Variants in PCMTD1 observed in about 807,000 individuals in gnomAD.
PCMTD1 encodes the protein protein-L-isoaspartate O-methyltransferase domain-containing protein 1.
PCMTD1 carries 12 observed loss-of-function variants against 37.6 expected under a neutral mutation model. That is an observed-to-expected ratio of 0.32 (90% CI 0.20 to 0.52). The LOEUF is 0.52. PCMTD1 is among the 20% of genes least tolerant of loss of function. The pLI, the probability that PCMTD1 is intolerant of heterozygous loss-of-function variation, is 0.97. For synonymous variants in PCMTD1, 117 were observed against 135.8 expected (o/e 0.86, Z 0.96); for missense variants, 235 against 421.3 (o/e 0.56, Z 3.87).
intron 5 of PCMTD1, among the ~76,000 whole-genome samples, chr8:51,827,706 C>T (rs1466257517): frequency 2.0e-5 from 3 of 152,138 alleles, no homozygotes; most frequent in Non-Finnish European, 4.4e-5. Context: ...GGGCACTCAG[C>T]TTCAACAATT....
chr8:51,828,638 A>T (rs2037955925), intron 5 of PCMTD1, among the ~76,000 whole-genome samples: 1 of 152,210 alleles, frequency 6.6e-6, no homozygotes, highest in East Asian at 1.9e-4. Context: ...TGTTGCCAGC[A>T]TTAAATCCAT....
intron 3 of PCMTD1, among the ~76,000 whole-genome samples, chr8:51,843,246 C>G (rs2038173008): frequency 6.6e-6 from 1 of 151,636 alleles, no homozygotes; most frequent in Admixed American, 6.6e-5. Context: ...GAAACATTTC[C>G]CTAGTACCTA....
Position 51,889,945 on chromosome 8 carries a change from T to C in PCMTD1, c.-96+8985A>G, listed in dbSNP as rs74936302. On this transcript the variant is annotated intron_variant, in intron 1 of 5. Coordinates refer to ENST00000522514, the MANE Select transcript of PCMTD1 (RefSeq NM_052937.4). ...AGTGAATTAATTTTATTGTGCTGCC[T>C]AGATACAATAAAACCAGTGATAACT... is the stretch of plus-strand genomic sequence containing the variant. Among the ~76,000 whole-genome samples, 966 of 130,888 alleles carry C rather than the reference T, an allele frequency of 7.4e-3. 6 individuals carry two copies. Among genetic ancestry groups the C allele is most frequent in the South Asian group, 0.012 (50 of 4,292 alleles). 85.9% of individuals were successfully genotyped at this position (130,888 alleles called of 152,430 possible).
intron 3 of PCMTD1, among the ~76,000 whole-genome samples, chr8:51,840,155 C>A (rs2038125346): frequency 6.6e-6 from 1 of 152,098 alleles, no homozygotes. Flanking sequence ...CAAGTAAATA[C>A]AGTTACTGTT....
At chr8:51,899,132 A>T, upstream of PCMTD1, 3 of 1,393,152 alleles carry the variant, frequency 2.2e-6, no homozygotes, top group South Asian at 3.0e-5. Flanking sequence ...CCACGGGCAC[A>T]GGGGCAGCTC....
intron 1 of PCMTD1, among the ~76,000 whole-genome samples, chr8:51,893,911 T>TC (rs1375278511): frequency 6.6e-6 from 1 of 152,216 alleles, no homozygotes; most frequent in African/African-American, 2.4e-5. Context: ...TACCCATACT[T>TC]CCTGAGCACC....
At chr8:51,839,906 C>T (rs1464613984) in intron 3 of PCMTD1, among the ~76,000 whole-genome samples, 1 of 152,156 alleles carries the variant, frequency 6.6e-6, no homozygotes, top group Non-Finnish European at 1.5e-5. Context: ...AGAGCCATGA[C>T]TGCTTTATTA....
intron 1 of PCMTD1, among the ~76,000 whole-genome samples, chr8:51,884,842 T>C (rs1007832609): frequency 1.3e-5 from 2 of 152,244 alleles, no homozygotes; most frequent in Admixed American, 1.3e-4. Flanking sequence ...CAATAAGCCA[T>C]TGAGGTACCC....
chr8:51,820,483 T>C lies in PCMTD1; in HGVS notation c.942A>G (p.Glu314=), dbSNP rs201680948. 2.5e-5 allele frequency: 40 copies of C among 1,613,982 alleles called. No individual in the cohort carries two copies. The South Asian group carries it at 2.5e-4, about 10-fold the overall frequency. The part of the protein sequence containing the change: ...EDEKMEEDNK[E]EEEKDHNEAM... The stretch of plus-strand genomic sequence containing the variant: ...CTTCATTGTGATCTTTTTCCTCCTC[T>C]TCTTTGTTATCCTCTTCCATTTTTT... The change falls in exon 6 of 6, where the codon GAA becomes GAG. Residue 314 remains glutamate (E), a synonymous_variant. Transcript: ENST00000522514.
intron 1 of PCMTD1, among the ~76,000 whole-genome samples, chr8:51,876,665 A>T (rs1351493685): frequency 6.6e-6 from 1 of 152,218 alleles, no homozygotes; most frequent in Non-Finnish European, 1.5e-5. Flanking sequence ...AAAAAATGAG[A>T]TGTCAAAGAT....
At chr8:51,834,441 C>G (rs912853107) in intron 3 of PCMTD1, among the ~76,000 whole-genome samples, 1 of 152,132 alleles carries the variant, frequency 6.6e-6, no homozygotes, top group Admixed American at 6.5e-5. Context: ...ATTTGGACTT[C>G]TACTTTATTT....
At chr8:51,846,123 A>G (rs1257482074) in intron 2 of PCMTD1, among the ~76,000 whole-genome samples, 1 of 152,306 alleles carries the variant, frequency 6.6e-6, no homozygotes, top group East Asian at 1.9e-4. Flanking sequence ...ATTTGCTAAA[A>G]AATTGGTAAT....
Position 51,819,829 on chromosome 8 carries a change from T to C in PCMTD1, c.*522A>G, listed in dbSNP as rs1289400467. On this transcript the variant is annotated 3_prime_UTR_variant, in exon 6 of 6. Transcript: ENST00000522514. ...AGCTAAATTATTCAATATCTTGTAT[T>C]GTTATTGCACTCATATATTGCCCGG... The C allele has an allele frequency of 1.3e-5, 2 of 152,648 alleles. No homozygotes were observed. The highest frequency in any genetic ancestry group is 2.9e-5 in the Non-Finnish European group (2 of 68,050). 9.5% of individuals were successfully genotyped at this position (152,648 alleles called of 1,614,324 possible).
chr8:51,847,938 G>C (rs957818166), intron 2 of PCMTD1, among the ~76,000 whole-genome samples: 1 of 151,738 alleles, frequency 6.6e-6, no homozygotes, highest in Non-Finnish European at 1.5e-5. Flanking sequence ...AAAAGTAGCC[G>C]GGCTTAGTGG....
intron 3 of PCMTD1, among the ~76,000 whole-genome samples, chr8:51,842,239 ATACAAAGTTTAAAAG>A (rs1224458574): frequency 6.6e-6 from 1 of 152,192 alleles, no homozygotes; most frequent in Admixed American, 6.6e-5. Context: ...AGACTAAGAC[ATACAAAGTTTAAAAG>A]TACTTACAAT....
rs1400009512 is a variant in PCMTD1 at position 51,818,849 on chromosome 8, G to A, written c.*1502C>T. 1 of 152,314 alleles carries A rather than the reference G, an allele frequency of 6.6e-6. No homozygotes were observed. The highest frequency in any genetic ancestry group is 1.5e-5 in the Non-Finnish European group (1 of 68,062). The allele number at this position is 152,314 out of a possible 1,614,324, so 9.4% of individuals were successfully genotyped here. On this transcript the variant is annotated 3_prime_UTR_variant, in exon 6 of 6. Coordinates refer to ENST00000522514, the MANE Select transcript of PCMTD1 (RefSeq NM_052937.4). Reference sequence around the variant, plus strand: ...CTGAAACAATATCTGAATCTTAGCAGAGAGATAATAATCCTTTCACTATAC... The same window carrying A: ...CTGAAACAATATCTGAATCTTAGCAAAGAGATAATAATCCTTTCACTATAC...
At chr8:51,880,905 T>C (rs180983396) in intron 1 of PCMTD1, among the ~76,000 whole-genome samples, 1 of 152,378 alleles carries the variant, frequency 6.6e-6, no homozygotes, top group Admixed American at 6.5e-5. Flanking sequence ...ATTTTATTTC[T>C]GGACACTAAA....
At chr8:51,878,938 A>G (rs1169399442) in intron 1 of PCMTD1, among the ~76,000 whole-genome samples, 1 of 152,144 alleles carries the variant, frequency 6.6e-6, no homozygotes, top group Non-Finnish European at 1.5e-5. Context: ...CAGCCCTGGC[A>G]AAACAGTGAG....
intron 1 of PCMTD1, among the ~76,000 whole-genome samples, chr8:51,887,293 C>CT (rs1008449332): frequency 2.0e-5 from 3 of 152,258 alleles, no homozygotes; most frequent in African/African-American, 7.2e-5. Context: ...GACTCCTACT[C>CT]TTCAGGGTAA....
Sources: gnomAD v4.1 joint callset for allele counts (sites outside exome capture counted in the v4.1 genomes callset) on GRCh38, gnomAD v4.1.1 for gene constraint, MANE v1.5 for transcripts, NCBI Gene and HGNC (gene_info 2026-07-23, HGNC 2026-07-21) for gene names.